USP12: variants seen among roughly 807,000 people sequenced by gnomAD.
USP12 encodes ubiquitin specific peptidase 12, also known as ubiquitin carboxyl-terminal hydrolase 12.
Under a neutral mutation model 45.5 loss-of-function variants are expected in USP12, and 19 were observed. The ratio of observed to expected loss-of-function variants is 0.42; its 90% CI spans 0.29 to 0.61. The LOEUF is 0.61. USP12 is among the 20% of genes least tolerant of loss of function. The probability of loss-of-function intolerance (pLI) is 0.22; values close to 1 mark genes in which losing one functional copy is unlikely to be tolerated. For synonymous variants in USP12, 149 were observed against 148.8 expected (o/e 1.00, Z -0.01); for missense variants, 242 against 447.7 (o/e 0.54, Z 4.15).
chr13:27,135,734 A>G (rs1593201934), intron 1 of USP12, among the ~76,000 whole-genome samples: 1 of 152,302 alleles, frequency 6.6e-6, no homozygotes, highest in East Asian at 1.9e-4. Flanking sequence ...AATTAAATAA[A>G]TATTAGTCTA....
At chr13:27,144,263 C>G (rs146748332) in intron 1 of USP12, among the ~76,000 whole-genome samples, 297 of 151,852 alleles carry the variant, frequency 2.0e-3, no homozygotes, top group African/African-American at 7.0e-3. Context: ...TTTGGGAGAC[C>G]AAGGTGGAAG....
chr13:27,160,055 C>T (rs1486641033), intron 1 of USP12, among the ~76,000 whole-genome samples: 1 of 152,146 alleles, frequency 6.6e-6, no homozygotes, highest in Non-Finnish European at 1.5e-5. Flanking sequence ...GGCAACTGTG[C>T]AGTCTTTAAA....
chr13:27,108,574 A>G lies in USP12; in HGVS notation c.130-2630T>C, dbSNP rs187468453. Among the ~76,000 whole-genome samples the G allele has an allele frequency of 3.0e-3, 463 of 151,982 alleles. 1 individual carries two copies. The highest frequency in any genetic ancestry group is 4.2e-3 in the Non-Finnish European group (288 of 68,000). ...GTACAATGTGCAAGATTAGCCTGGGATATCTTAAATATAAGTGTCAACTTT... is the reference window on the plus strand; with the variant it reads ...GTACAATGTGCAAGATTAGCCTGGGGTATCTTAAATATAAGTGTCAACTTT... On this transcript the variant is annotated intron_variant, in intron 2 of 8. Coordinates refer to ENST00000282344, the MANE Select transcript of USP12 (RefSeq NM_182488.4).
At chr13:27,116,414 A>T in intron 2 of USP12, 102 bp downstream of exon 2, 1 of 1,044,660 alleles carries the variant, frequency 9.6e-7, no homozygotes, top group Non-Finnish European at 1.3e-6. Context: ...TAATTCTATT[A>T]ATAGAAAAGA....
At chr13:27,123,858 G>A (rs1178183779) in intron 1 of USP12, among the ~76,000 whole-genome samples, 1 of 152,224 alleles carries the variant, frequency 6.6e-6, no homozygotes, top group East Asian at 1.9e-4. Flanking sequence ...TAATACATAG[G>A]CAATGGGGCA....
chr13:27,150,915 T>C (rs766297677), intron 1 of USP12, among the ~76,000 whole-genome samples: 1 of 151,716 alleles, frequency 6.6e-6, no homozygotes, highest in Non-Finnish European at 1.5e-5. Flanking sequence ...TCCAAACAGA[T>C]CAAAGAAGTA....
chr13:27,092,675 T>C (rs1467025537), intron 4 of USP12, among the ~76,000 whole-genome samples: 1 of 152,062 alleles, frequency 6.6e-6, no homozygotes, highest in East Asian at 1.9e-4. Flanking sequence ...TGCAAAAAAA[T>C]TAACCCAGAA....
At chr13:27,149,164 C>CA (rs1316890981) in intron 1 of USP12, among the ~76,000 whole-genome samples, 5 of 152,262 alleles carry the variant, frequency 3.3e-5, no homozygotes, top group Non-Finnish European at 7.4e-5. Flanking sequence ...GCCTGGGCAA[C>CA]AGAGCAATAC....
intron 1 of USP12, among the ~76,000 whole-genome samples, chr13:27,163,777 A>AAG (rs1555240037): frequency 2.4e-4 from 33 of 139,914 alleles, no homozygotes; most frequent in East Asian, 1.0e-3. Context: ...TTAAAAAAAA[A>AAG]AAAAAAAAGA....
intron 2 of USP12, among the ~76,000 whole-genome samples, chr13:27,113,099 G>A (rs1165202040): frequency 6.6e-6 from 1 of 152,022 alleles, no homozygotes; most frequent in Non-Finnish European, 1.5e-5. Flanking sequence ...GCTGAGCATG[G>A]TGGTGTGCAC....
chr13:27,114,484 A>G (rs1245434070), intron 2 of USP12, among the ~76,000 whole-genome samples: 5 of 152,220 alleles, frequency 3.3e-5, no homozygotes, highest in South Asian at 2.1e-4. Flanking sequence ...CTCAAGCTAC[A>G]CTAGTATTTC....
intron 8 of USP12, 131 bp downstream of exon 8, chr13:27,070,940 C>A: frequency 1.4e-6 from 1 of 739,690 alleles, no homozygotes; most frequent in Non-Finnish European, 2.1e-6. Flanking sequence ...AGGAATTAGA[C>A]TACAATCTAT....
chr13:27,125,039 T>G (rs1449280203), intron 1 of USP12, among the ~76,000 whole-genome samples: 6 of 152,216 alleles, frequency 3.9e-5, no homozygotes, highest in Admixed American at 3.9e-4. Context: ...ACTTTTAAAG[T>G]GTGACACCCA....
At chr13:27,074,140 C>T (rs1873367202) in intron 7 of USP12, among the ~76,000 whole-genome samples, 2 of 152,198 alleles carry the variant, frequency 1.3e-5, no homozygotes, top group South Asian at 2.1e-4. Context: ...GTGGCTCACG[C>T]GTGTAATCCC....
chr13:27,106,064 ACT>A, intron 2 of USP12, 120 bp from the exon 3 acceptor site: 1 of 789,028 alleles, frequency 1.3e-6, no homozygotes, highest in Non-Finnish European at 2.0e-6. Flanking sequence ...TTACTATAAC[ACT>A]GACTGCATTA....
intron 1 of USP12, among the ~76,000 whole-genome samples, chr13:27,157,928 T>C (rs142801243): frequency 2.5e-4 from 38 of 152,332 alleles, no homozygotes; most frequent in African/African-American, 8.4e-4. Flanking sequence ...CTTTGGAACT[T>C]AAACAGCTTT....
At chr13:27,095,937 T>G (rs1565987851) in intron 3 of USP12, 107 bp from the exon 4 acceptor site, 1 of 772,452 alleles carries the variant, frequency 1.3e-6, no homozygotes, top group African/African-American at 1.8e-5. Context: ...AAAATATAAA[T>G]GCACAATGTT....
At chr13:27,083,392 G>A (rs896185410) in intron 6 of USP12, among the ~76,000 whole-genome samples, 8 of 152,158 alleles carry the variant, frequency 5.3e-5, no homozygotes, top group Admixed American at 4.6e-4. Flanking sequence ...GCAAGGTGCT[G>A]TGAAGTGAAA....
At chr13:27,083,417 C>T (rs1026370579) in intron 6 of USP12, among the ~76,000 whole-genome samples, 1 of 152,084 alleles carries the variant, frequency 6.6e-6, no homozygotes, top group Non-Finnish European at 1.5e-5. Flanking sequence ...ATGTTCTGTT[C>T]TCTAAGACCT....
Sources: allele counts gnomAD v4.1 joint callset (sites outside exome capture counted in the v4.1 genomes callset), GRCh38; gene constraint gnomAD v4.1.1; transcripts MANE v1.5; gene names NCBI Gene and HGNC (gene_info 2026-07-23, HGNC 2026-07-21).